Variants in SRFBP1 observed in about 807,000 individuals in gnomAD.
SRFBP1 encodes the protein serum response factor binding protein 1, also known as serum response factor-binding protein 1.
In SRFBP1, 47 loss-of-function variants were observed where a neutral mutation model predicts 45.5. The observed-to-expected ratio is 1.03, with a 90% CI of 0.82 to 1.32. The LOEUF (loss-of-function observed/expected upper bound fraction) is 1.32, where lower values mean the gene tolerates loss of function less well. Among genes scored for constraint, SRFBP1 ranks in the 40% most tolerant of loss-of-function variants. The pLI is 0.00. For missense variants in SRFBP1, 621 were observed against 484.6 expected (o/e 1.28, Z -2.64); for synonymous variants, 203 against 166.3 (o/e 1.22, Z -1.70).
At chr5:121,995,120 A>G (rs578243738) in intron 4 of SRFBP1, among the ~76,000 whole-genome samples, 1 of 151,898 alleles carries the variant, frequency 6.6e-6, no homozygotes, top group East Asian at 1.9e-4. Context: ...CAGAAAGTCA[A>G]CAAGGATACC....
At chr5:121,968,219 G>GTCA in intron 1 of SRFBP1, among the ~76,000 whole-genome samples, 1 of 114,898 alleles carries the variant, frequency 8.7e-6, no homozygotes. Context: ...ACCAAACTCT[G>GTCA]TCATTATTAT....
chr5:122,054,787 A>G (rs1440716460), intron 2 of SRFBP1, among the ~76,000 whole-genome samples: 1 of 152,164 alleles, frequency 6.6e-6, no homozygotes, highest in Non-Finnish European at 1.5e-5. Flanking sequence ...GCAAATGGAT[A>G]TATTTATTTT....
At chr5:121,973,502 A>G (rs1006470935) in intron 1 of SRFBP1, among the ~76,000 whole-genome samples, 1 of 151,596 alleles carries the variant, frequency 6.6e-6, no homozygotes, top group Non-Finnish European at 1.5e-5. Flanking sequence ...TTTTTTTTAT[A>G]ACTATAATTT....
At chr5:121,999,139 A>G (rs1561586177) in intron 4 of SRFBP1, among the ~76,000 whole-genome samples, 1 of 152,148 alleles carries the variant, frequency 6.6e-6, no homozygotes, top group Non-Finnish European at 1.5e-5. Context: ...TGTAAGCAGT[A>G]CTTTAGCTGC....
intron 1 of SRFBP1, among the ~76,000 whole-genome samples, chr5:121,968,566 C>G (rs1423665090): frequency 1.3e-5 from 2 of 152,012 alleles, no homozygotes; most frequent in Non-Finnish European, 2.9e-5. Context: ...TTGCTATATG[C>G]TTTATTTATA....
chr5:122,026,901 T>G, intron 7 of SRFBP1, 41 bp from the exon 8 acceptor site: 1 of 1,372,860 alleles, frequency 7.3e-7, no homozygotes, highest in Non-Finnish European at 1.0e-6. Flanking sequence ...TATATGCTCT[T>G]TAAGTATATA....
Position 122,027,324 on chromosome 5 carries a change from A to T in SRFBP1, c.*198A>T. The T allele has an allele frequency of 2.6e-6, 1 of 388,258 alleles. No individual in the cohort carries two copies. The allele number at this position is 388,258 out of a possible 1,614,324, so 24.1% of individuals were successfully genotyped here. On this transcript the variant is annotated 3_prime_UTR_variant, in exon 8 of 8. Transcript: ENST00000339397. The stretch of plus-strand genomic sequence containing the variant: ...TGCAGGTGCATGCACTACCATGCCC[A>T]GCTTTCTCACCCCAGGCTCTGCAGC...
chr5:122,052,527 C>T (rs1011166052), intron 2 of SRFBP1, among the ~76,000 whole-genome samples: 1 of 152,106 alleles, frequency 6.6e-6, no homozygotes, highest in African/African-American at 2.4e-5. Context: ...CCTCCCTCAG[C>T]TTGGTCTATT....
Position 122,066,711 on chromosome 5 carries a change from T to C in SRFBP1, n.312-8604T>C, listed in dbSNP as rs145238486. ...TTTCCCACTTCAGAACACCAGGCAC[T>C]GATTTATCCATTGGGAGTTTTGCTT... is the stretch of plus-strand genomic sequence containing the variant. On this transcript the variant is annotated intron_variant and non_coding_transcript_variant, in intron 2 of 2. Coordinates refer to the SRFBP1 transcript ENST00000504881. 4.7e-5 allele frequency: 74 copies of C among 1,590,172 alleles called. No individual in the cohort carries two copies. In the East Asian group the frequency reaches 1.1e-3, roughly 23 times the overall value.
downstream of SRFBP1, among the ~76,000 whole-genome samples, chr5:122,029,453 A>G (rs757265811): frequency 6.6e-6 from 1 of 152,114 alleles, no homozygotes; most frequent in Non-Finnish European, 1.5e-5. Context: ...TTCTTTATAC[A>G]CCTCATGCAG....
intron 1 of SRFBP1, among the ~76,000 whole-genome samples, chr5:121,965,867 G>C (rs1248812398): frequency 6.6e-6 from 1 of 152,032 alleles, no homozygotes; most frequent in Non-Finnish European, 1.5e-5. Flanking sequence ...TTATTTCCTT[G>C]AACAGTGGTT....
At chr5:122,052,649 T>C (rs1325618677) in intron 2 of SRFBP1, among the ~76,000 whole-genome samples, 1 of 152,184 alleles carries the variant, frequency 6.6e-6, no homozygotes, top group African/African-American at 2.4e-5. Context: ...AGCTCCTGTA[T>C]CGTTTTACAG....
intron 4 of SRFBP1, among the ~76,000 whole-genome samples, chr5:122,004,994 A>G (rs559349973): frequency 6.6e-4 from 100 of 152,194 alleles, no homozygotes; most frequent in Admixed American, 1.2e-3. Context: ...GTTTAATATC[A>G]TTGTGGTCAG....
intron 7 of SRFBP1, among the ~76,000 whole-genome samples, chr5:122,024,440 T>C (rs1753426219): frequency 6.6e-6 from 1 of 152,230 alleles, no homozygotes; most frequent in South Asian, 2.1e-4. Context: ...TGGTTTGTCA[T>C]CTATCAGTCT....
intron 2 of SRFBP1, among the ~76,000 whole-genome samples, chr5:122,050,830 C>T (rs967035952): frequency 4.6e-5 from 7 of 151,862 alleles, no homozygotes; most frequent in Non-Finnish European, 8.8e-5. Context: ...CTAGTTCTTC[C>T]AGTTGTAATG....
At position 121,975,326 on chromosome 5, in the gene SRFBP1, A is replaced by G; in HGVS notation, c.137A>G (p.Asp46Gly). ...TGTATTTTTTGCAGGGGTACTGAAGATGCACTGTTAAAAAACCAAAGACGG... is the reference window on the plus strand; with the variant it reads ...TGTATTTTTTGCAGGGGTACTGAAGGTGCACTGTTAAAAAACCAAAGACGG... ...GRLKSKKGTEDALLKNQRRAQ... is the reference protein window; with the variant it reads ...GRLKSKKGTEGALLKNQRRAQ... The change falls in exon 3 of 8, where the codon GAT becomes GGT. Residue 46 changes from aspartate to glycine, a missense_variant. Physicochemically the swap from Asp to Gly is moderately conservative, Grantham distance 94. Coordinates refer to ENST00000339397, the MANE Select transcript of SRFBP1 (RefSeq NM_152546.3). 1 of 1,613,236 alleles carries G rather than the reference A, an allele frequency of 6.2e-7. No homozygotes were observed. The highest frequency in any genetic ancestry group is 8.5e-7 in the Non-Finnish European group (1 of 1,179,296).
At chr5:122,043,750 C>G (rs1753807661) in intron 2 of SRFBP1, among the ~76,000 whole-genome samples, 2 of 152,046 alleles carry the variant, frequency 1.3e-5, no homozygotes, top group African/African-American at 4.8e-5. Flanking sequence ...TGTAAATATT[C>G]TAGACTTTGC....
At chr5:121,962,909 A>C (rs1029652252) in intron 1 of SRFBP1, among the ~76,000 whole-genome samples, 1 of 152,240 alleles carries the variant, frequency 6.6e-6, no homozygotes, top group African/African-American at 2.4e-5. Context: ...GGGATATTTC[A>C]TATTTTCTAG....
downstream of SRFBP1, chr5:122,076,886 C>T (rs778223208): frequency 2.1e-5 from 34 of 1,613,632 alleles, no homozygotes; most frequent in Non-Finnish European, 2.7e-5. Flanking sequence ...GACATATCAG[C>T]CCGTACCTGG....
Sources: gnomAD v4.1 joint callset for allele counts (sites outside exome capture counted in the v4.1 genomes callset) on GRCh38, gnomAD v4.1.1 for gene constraint, MANE v1.5 for transcripts, NCBI Gene and HGNC (gene_info 2026-07-23, HGNC 2026-07-21) for gene names.